MME: variants seen among roughly 807,000 people sequenced by gnomAD.
The protein encoded by MME is neprilysin.
MME carries 98 observed loss-of-function variants against 113.2 expected under a neutral mutation model. The ratio of observed to expected loss-of-function variants is 0.87; its 90% CI spans 0.74 to 1.02. MME has a LOEUF of 1.02. Ranked by LOEUF, MME falls within the 50% of genes least tolerant of loss-of-function variation. MME has a pLI of 0.00. For synonymous variants in MME, 292 were observed against 300.6 expected (o/e 0.97, Z 0.30); for missense variants, 836 against 896.0 (o/e 0.93, Z 0.86).
chr3:155,059,256 C>CT (rs1413015457), intron 1 of MME, among the ~76,000 whole-genome samples: 12 of 98,124 alleles, frequency 1.2e-4, no homozygotes, highest in South Asian at 3.7e-4. Context: ...AAAATTCTGT[C>CT]TCAAAAAAAA....
intron 1 of MME, among the ~76,000 whole-genome samples, chr3:155,028,309 G>C (rs1424668840): frequency 6.6e-6 from 1 of 152,156 alleles, no homozygotes; most frequent in African/African-American, 2.4e-5. Context: ...TTAGAAATGG[G>C]GAATACATGA....
chr3:155,025,689 CTTTTTTTTTTT>C (rs775452382), intron 1 of MME, among the ~76,000 whole-genome samples: 14 of 109,052 alleles, frequency 1.3e-4, no homozygotes, highest in African/African-American at 4.5e-4. Flanking sequence ...TTCTTTCTTT[CTTTTTTTTTTT>C]TTTTTTTTTT....
intron 3 of MME, among the ~76,000 whole-genome samples, chr3:155,109,627 G>A (rs992695588): frequency 1.3e-5 from 2 of 151,940 alleles, no homozygotes; most frequent in African/African-American, 2.4e-5. Flanking sequence ...TATGTTTCTC[G>A]ATTGTCTAAT....
At chr3:155,040,274 T>C (rs74370186) in intron 1 of MME, among the ~76,000 whole-genome samples, 6,613 of 152,240 alleles carry the variant, frequency 0.043, 158 homozygotes, top group African/African-American at 0.052. Context: ...GCATCATCTC[T>C]GGCCGCTACC....
chr3:155,043,270 A>G (rs935132549), intron 1 of MME, among the ~76,000 whole-genome samples: 1 of 151,112 alleles, frequency 6.6e-6, no homozygotes, highest in African/African-American at 2.4e-5. Flanking sequence ...ACAGAAATCA[A>G]CTTTAGTTTT....
At chr3:155,140,087 C>A (rs1317236411) in intron 9 of MME, 104 bp from the exon 10 acceptor site, 5 of 732,908 alleles carry the variant, frequency 6.8e-6, no homozygotes, top group Non-Finnish European at 1.1e-5. Flanking sequence ...CAGAATAGGA[C>A]TTAAATTATG....
intron 8 of MME, among the ~76,000 whole-genome samples, chr3:155,129,474 A>G (rs1719960775): frequency 6.7e-6 from 1 of 148,648 alleles, no homozygotes; most frequent in Non-Finnish European, 1.5e-5. Context: ...TATAGAAGTC[A>G]TTTTTTTTTT....
intron 3 of MME, among the ~76,000 whole-genome samples, chr3:155,098,039 G>C (rs182197164): frequency 3.3e-5 from 5 of 152,214 alleles, no homozygotes; most frequent in Admixed American, 3.3e-4. Context: ...GCTTACAGGA[G>C]CTTACAGCAG....
upstream of MME, chr3:155,079,944 C>G (rs1035906394): frequency 6.6e-6 from 1 of 152,524 alleles, no homozygotes; most frequent in South Asian, 2.1e-4. Context: ...CGGCCCCGTG[C>G]GCTCATTGGT....
chr3:155,089,947 A>C, intron 3 of MME: 1 of 378,390 alleles, frequency 2.6e-6, no homozygotes, highest in South Asian at 1.9e-5. Flanking sequence ...AAGACAGCGC[A>C]AGACTCTATC....
chr3:155,149,042 T>C (rs1721733051), intron 16 of MME, among the ~76,000 whole-genome samples: 1 of 152,106 alleles, frequency 6.6e-6, no homozygotes, highest in African/African-American at 2.4e-5. Flanking sequence ...CCCACCTTTT[T>C]TCTATCAGTC....
chr3:155,082,296 A>T (rs1715222205), intron 1 of MME, among the ~76,000 whole-genome samples: 1 of 152,198 alleles, frequency 6.6e-6, no homozygotes, highest in South Asian at 2.1e-4. Flanking sequence ...ACATTTCTCT[A>T]CATTGTCTTC....
At chr3:155,068,300 A>T (rs993461463) in intron 1 of MME, among the ~76,000 whole-genome samples, 1 of 152,256 alleles carries the variant, frequency 6.6e-6, no homozygotes, top group African/African-American at 2.4e-5. Context: ...GAAGAGCAGC[A>T]GGGAGACATC....
intron 4 of MME, among the ~76,000 whole-genome samples, 177 bp from the exon 5 acceptor site, chr3:155,116,302 G>T (rs1195465195): frequency 6.6e-6 from 1 of 151,962 alleles, no homozygotes; most frequent in African/African-American, 2.4e-5. Context: ...AAGGGGTTTG[G>T]TTTTTCCTAT....
upstream of MME, among the ~76,000 whole-genome samples, chr3:155,077,394 G>A (rs530791809): frequency 1.3e-5 from 2 of 152,266 alleles, no homozygotes; most frequent in African/African-American, 4.8e-5. Context: ...GCCAAACTGA[G>A]TGATCTTGGA....
chr3:155,034,742 C>A (rs1713076852), intron 1 of MME, among the ~76,000 whole-genome samples: 2 of 152,126 alleles, frequency 1.3e-5, no homozygotes, highest in Admixed American at 1.3e-4. Flanking sequence ...CCCTTCCTAA[C>A]AAAACTGGAA....
rs1262001439 is a variant in MME, at chr3:155,025,693, T to C, written c.-11+1369T>C. 1.5e-3 allele frequency among the ~76,000 whole-genome samples: 199 copies of C among 132,834 alleles called. 1 individual carries two copies. Among genetic ancestry groups the C allele is most frequent in the African/African-American group, 3.5e-3 (125 of 35,696 alleles). The allele number at this position is 132,834 out of a possible 152,430, so 87.1% of individuals were successfully genotyped here. On this transcript the variant is annotated intron_variant, in intron 1 of 22. Transcript: ENST00000492661. ...AGATTTTTTCTTTCTTTCTTTCTTTTTTTTTTTTTTTTTTTTTGAGACAGA... is the reference window on the plus strand; with the variant it reads ...AGATTTTTTCTTTCTTTCTTTCTTTCTTTTTTTTTTTTTTTTTGAGACAGA...
chr3:155,107,138 G>A (rs991052471), intron 3 of MME, among the ~76,000 whole-genome samples: 4 of 152,000 alleles, frequency 2.6e-5, no homozygotes, highest in African/African-American at 4.8e-5. Context: ...GGTGGATCAC[G>A]AGGTCAGGAG....
intron 1 of MME, among the ~76,000 whole-genome samples, chr3:155,042,916 A>ATATATATATATATATATG (rs1713390788): frequency 2.6e-4 from 12 of 47,032 alleles, no homozygotes; most frequent in Non-Finnish European, 4.0e-4. Flanking sequence ...ATATATATAT[A>ATATATATATATATATATG]TATATATATA....
Sources: gnomAD v4.1 joint callset for allele counts (sites outside exome capture counted in the v4.1 genomes callset) on GRCh38, gnomAD v4.1.1 for gene constraint, MANE v1.5 for transcripts, NCBI Gene and HGNC (gene_info 2026-07-23, HGNC 2026-07-21) for gene names.